Variants in PARD3 observed in about 807,000 individuals in gnomAD.
PARD3 encodes par-3 family cell polarity regulator.
PARD3 carries 75 observed loss-of-function variants against 155.4 expected under a neutral mutation model. The observed-to-expected ratio is 0.48, with a 90% CI of 0.40 to 0.58. The LOEUF (loss-of-function observed/expected upper bound fraction) is 0.58, where lower values mean the gene tolerates loss of function less well. Among genes scored for constraint, PARD3 ranks in the 20% least tolerant of loss-of-function variants. The probability of loss-of-function intolerance (pLI) is 0.00; values close to 1 mark genes in which losing one functional copy is unlikely to be tolerated. For synonymous variants in PARD3, 576 were observed against 610.5 expected (o/e 0.94, Z 0.83); for missense variants, 1,642 against 1,721.7 (o/e 0.95, Z 0.82).
At chr10:34,445,189 T>C (rs371051435) in intron 5 of PARD3, among the ~76,000 whole-genome samples, 9 of 152,310 alleles carry the variant, frequency 5.9e-5, no homozygotes, top group South Asian at 2.1e-4. Flanking sequence ...TAAAGTCAGA[T>C]GACTTTCCGG....
At chr10:34,719,962 C>T (rs939692645) in intron 1 of PARD3, among the ~76,000 whole-genome samples, 4 of 152,176 alleles carry the variant, frequency 2.6e-5, no homozygotes, top group Admixed American at 2.6e-4. Context: ...CCTGTCTAGG[C>T]CTGTCCCACA....
chr10:34,633,396 G>A (rs1304726945), intron 2 of PARD3, among the ~76,000 whole-genome samples: 1 of 146,586 alleles, frequency 6.8e-6, no homozygotes, highest in South Asian at 2.1e-4. Context: ...CTTTGCTTCT[G>A]TGAGTTTAAT....
intron 3 of PARD3, among the ~76,000 whole-genome samples, chr10:34,502,442 C>A (rs552101362): frequency 2.1e-5 from 3 of 145,176 alleles, no homozygotes; most frequent in Non-Finnish European, 4.6e-5. Flanking sequence ...GGCAGCACTG[C>A]CAACCCTGGA....
At chr10:34,767,590 GTTTC>G (rs1838257037) in intron 1 of PARD3, among the ~76,000 whole-genome samples, 1 of 142,114 alleles carries the variant, frequency 7.0e-6, no homozygotes, top group African/African-American at 2.4e-5. Context: ...TCTTCTGTTT[GTTTC>G]TTTGTCTGTT....
At chr10:34,399,227 C>T in intron 7 of PARD3, 103 bp downstream of exon 7, 1 of 758,654 alleles carries the variant, frequency 1.3e-6, no homozygotes, top group Non-Finnish European at 2.3e-6. Context: ...GAGAATGTTT[C>T]CTATTAAGCA....
intron 2 of PARD3, among the ~76,000 whole-genome samples, chr10:34,632,937 C>T (rs2092329825): frequency 1.3e-5 from 2 of 152,298 alleles, no homozygotes; most frequent in African/African-American, 2.4e-5. Flanking sequence ...GAGGAGGCTG[C>T]GCAGAGGCTA....
chr10:34,539,258 C>T (rs1460509690), intron 2 of PARD3, among the ~76,000 whole-genome samples: 1 of 152,174 alleles, frequency 6.6e-6, no homozygotes, highest in East Asian at 1.9e-4. Flanking sequence ...TGAAGACTAG[C>T]TCATGAGGAC....
intron 2 of PARD3, among the ~76,000 whole-genome samples, chr10:34,688,873 T>C (rs1216306753): frequency 2.0e-5 from 3 of 152,246 alleles, no homozygotes; most frequent in Non-Finnish European, 4.4e-5. Flanking sequence ...TTTTTAATAA[T>C]GTTACAAATT....
intron 22 of PARD3, among the ~76,000 whole-genome samples, chr10:34,154,687 G>A (rs1463691593): frequency 3.3e-5 from 5 of 152,032 alleles, no homozygotes; most frequent in African/African-American, 9.7e-5. Context: ...CACCTCTCAC[G>A]TTTCGAGAGA....
At chr10:34,313,873 A>C (rs1957839964) in intron 20 of PARD3, among the ~76,000 whole-genome samples, 1 of 152,184 alleles carries the variant, frequency 6.6e-6, no homozygotes, top group Non-Finnish European at 1.5e-5. Flanking sequence ...GAACAAGCTC[A>C]TGTGCTGCTA....
At chr10:34,387,016 G>GT (rs1314854373) in intron 7 of PARD3, among the ~76,000 whole-genome samples, 3 of 152,068 alleles carry the variant, frequency 2.0e-5, no homozygotes, top group Non-Finnish European at 2.9e-5. Flanking sequence ...AGAACCACAT[G>GT]TGAGGTGCCA....
chr10:34,591,930 G>A (rs1018205370), intron 2 of PARD3, among the ~76,000 whole-genome samples: 8 of 152,156 alleles, frequency 5.3e-5, no homozygotes, highest in African/African-American at 7.2e-5. Context: ...CCTAAGGTAC[G>A]ATGGATGGTA....
intron 1 of PARD3, among the ~76,000 whole-genome samples, chr10:34,733,053 AC>A (rs2094847513): frequency 6.6e-6 from 1 of 152,172 alleles, no homozygotes; most frequent in Non-Finnish European, 1.5e-5. Context: ...TCTACAGGAA[AC>A]AAGGTGATAT....
At chr10:34,227,464 C>A (rs1414952867) in intron 22 of PARD3, among the ~76,000 whole-genome samples, 1 of 152,096 alleles carries the variant, frequency 6.6e-6, no homozygotes, top group Non-Finnish European at 1.5e-5. Flanking sequence ...GGGGAAACCC[C>A]ATCTCTACTA....
At chr10:34,292,497 G>A (rs1056768268) in intron 20 of PARD3, among the ~76,000 whole-genome samples, 5 of 152,132 alleles carry the variant, frequency 3.3e-5, no homozygotes, top group African/African-American at 1.2e-4. Flanking sequence ...TGATGAGAGA[G>A]GAGCCTTAGA....
chr10:34,275,622 C>G (rs1279874188), intron 21 of PARD3, among the ~76,000 whole-genome samples: 2 of 151,974 alleles, frequency 1.3e-5, no homozygotes, highest in East Asian at 3.9e-4. Flanking sequence ...CTAACACGAC[C>G]AAAAGGTTAT....
intron 1 of PARD3, among the ~76,000 whole-genome samples, chr10:34,743,148 C>T (rs1359152516): frequency 6.6e-6 from 1 of 152,176 alleles, no homozygotes; most frequent in African/African-American, 2.4e-5. Context: ...CTTCCCCAAA[C>T]CAGAAAATCT....
intron 2 of PARD3, among the ~76,000 whole-genome samples, chr10:34,665,614 C>A (rs191430826): frequency 0.013 from 1,925 of 152,092 alleles, 15 homozygotes; most frequent in Middle Eastern, 0.034. Flanking sequence ...GCGAGGCAGG[C>A]GGATCACGAG....
intron 1 of PARD3, among the ~76,000 whole-genome samples, chr10:34,801,429 T>G (rs1842830928): frequency 6.6e-6 from 1 of 152,142 alleles, no homozygotes; most frequent in African/African-American, 2.4e-5. Flanking sequence ...AAACAACCCC[T>G]TCAATACTGT....
Sources: allele counts gnomAD v4.1 joint callset (sites outside exome capture counted in the v4.1 genomes callset), GRCh38; gene constraint gnomAD v4.1.1; transcripts MANE v1.5; gene names NCBI Gene and HGNC (gene_info 2026-07-23, HGNC 2026-07-21).